Variants in RAPGEF3 observed in about 807,000 individuals in gnomAD.
RAPGEF3 encodes 9330170P05Rik.
A neutral mutation model predicts 129.8 loss-of-function variants in RAPGEF3; 103 were observed. The ratio of observed to expected loss-of-function variants is 0.79; its 90% CI spans 0.68 to 0.93. The LOEUF (loss-of-function observed/expected upper bound fraction) is 0.93. Ranked by LOEUF, RAPGEF3 falls within the 40% of genes least tolerant of loss-of-function variation. The pLI, the probability that RAPGEF3 is intolerant of heterozygous loss-of-function variation, is 0.00. For missense variants in RAPGEF3, 1,117 were observed against 1,207.4 expected, an observed-to-expected ratio of 0.93 and a Z score of 1.11; for synonymous variants, 436 against 482.6, an observed-to-expected ratio of 0.90 and a Z score of 1.26.
At chr12:47,756,985 GAAAAGAAAA>G (rs1225817515) in intron 2 of RAPGEF3, among the ~76,000 whole-genome samples, 1 of 151,376 alleles carries the variant, frequency 6.6e-6, no homozygotes, top group African/African-American at 2.4e-5. Context: ...AAAAAAGAAA[GAAAAGAAAA>G]AAGAAATGAA....
At position 47,751,193 on chromosome 12, in the gene RAPGEF3, C is replaced by T. The variant is rs1444628483; in HGVS notation, c.526G>A (p.Asp176Asn). The change falls in exon 6 of 28, where the codon GAC (aspartate) becomes AAC (asparagine). Residue 176 changes from aspartate (D) to asparagine (N), a missense_variant. Around this residue, in one of 3 missense-constraint regions of RAPGEF3, gnomAD observed 367 missense variants for 373.4 expected, o/e 0.98. Transcript: ENST00000449771. Reference protein sequence around the residue: ...CHVKHDWAFQDRDAQFYRFPG... With the variant: ...CHVKHDWAFQNRDAQFYRFPG... ...AACCGGTAGAATTGGGCATCTCGGT[C>T]CTGGAAGGCCCAGTCGTGTTTCACT... The T allele has an allele frequency of 1.3e-6, 2 of 1,552,348 alleles. No individual in the cohort carries two copies. The highest frequency in any genetic ancestry group is 1.2e-5 in the South Asian group (1 of 84,218).
At chr12:47,758,352 C>T (rs1942228510) in intron 1 of RAPGEF3, 199 bp downstream of exon 1, 1 of 1,458,304 alleles carries the variant, frequency 6.9e-7, no homozygotes, top group East Asian at 2.5e-5. Flanking sequence ...TGCCCATGCC[C>T]CTGCAGGGAT....
rs1447822335 is a variant in RAPGEF3 at position 47,746,885 on chromosome 12, C to T, written c.1571G>A (p.Cys524Tyr). Residue 524 changes from cysteine (C) to tyrosine (Y), a missense_variant, in exon 16 of 28, where the codon TGT becomes TAT. Coordinates refer to ENST00000449771, the MANE Select transcript of RAPGEF3 (RefSeq NM_001098531.4). ...CTTCATCTGAGGAGATGCATTCCCA[C>T]AGCCATTCTCCAACCTGCAGACAAG... The part of the protein sequence containing the change: ...RRRCHRLENG[C>Y]GNASPQMKAR... 1.2e-6 allele frequency: 2 copies of T among 1,601,548 alleles called. No homozygotes were observed. Among genetic ancestry groups the T allele is most frequent in the Admixed American group, 3.6e-5 (2 of 55,946 alleles).
chr12:47,743,392 C>T, intron 18 of RAPGEF3, 138 bp downstream of exon 18: 2 of 1,181,796 alleles, frequency 1.7e-6, no homozygotes, highest in Non-Finnish European at 2.4e-6. Flanking sequence ...CGCACTCCAC[C>T]TCCCATTAAT....
rs536973198 is a variant in RAPGEF3 at position 47,750,198 on chromosome 12, C to T, written c.756+143G>A. On this transcript the variant is annotated intron_variant, in intron 7 of 27. Coordinates refer to ENST00000449771, the MANE Select transcript of RAPGEF3 (RefSeq NM_001098531.4). ...GAAGGATTTTCAGACAGGGCAGCGC[C>T]GGGGGCAAGAAATCAGACTGAAAAT... 1.3e-4 allele frequency: 140 copies of T among 1,087,092 alleles called. 1 individual carries two copies. The South Asian group carries it at 1.7e-3, about 13-fold the overall frequency. 67.3% of individuals were successfully genotyped at this position (1,087,092 alleles called of 1,614,324 possible).
In RAPGEF3 at chr12:47,743,602, C is replaced by T. The variant is rs1458468289; in HGVS notation, c.1753G>A (p.Val585Met). ...QLPVTASVRE[V>M]MAALAQEDGW... ...TCCTCCTGGGCCAACGCTGCCATCA[C>T]CTCTCTCACGGAGGCTGTCACAGGC... is the stretch of plus-strand genomic sequence containing the variant. Residue 585 changes from valine to methionine, a missense_variant, in exon 18 of 28, where the codon GTG (valine) becomes ATG (methionine). Val to Met is a conservative substitution (Grantham distance 21, BLOSUM62 1). Around this residue, in one of 3 missense-constraint regions of RAPGEF3, gnomAD observed 643 missense variants for 673.4 expected, o/e 0.95. Coordinates refer to ENST00000449771, the MANE Select transcript of RAPGEF3 (RefSeq NM_001098531.4). The T allele has an allele frequency of 1.9e-6, 3 of 1,614,080 alleles. No homozygotes were observed. Among genetic ancestry groups the T allele is most frequent in the Non-Finnish European group, 2.5e-6 (3 of 1,180,010 alleles).
chr12:47,756,197 G>A (rs974211577), intron 2 of RAPGEF3: 2 of 152,246 alleles, frequency 1.3e-5, no homozygotes, highest in Admixed American at 1.3e-4. Context: ...TGGAGAGTCA[G>A]GAGACAGCTT....
intron 2 of RAPGEF3, among the ~76,000 whole-genome samples, chr12:47,754,907 G>A (rs977601520): frequency 6.6e-6 from 1 of 152,202 alleles, no homozygotes; most frequent in East Asian, 1.9e-4. Flanking sequence ...CACCAGCACT[G>A]TGGCCTGCCC....
At chr12:47,751,336 C>A (rs569193349) in intron 5 of RAPGEF3, 63 bp downstream of exon 5, 2 of 1,605,662 alleles carry the variant, frequency 1.2e-6, no homozygotes, top group African/African-American at 1.3e-5. Flanking sequence ...CCAGGACTGC[C>A]CTGTCCTGTC....
Position 47,758,572 on chromosome 12 carries a change from C to T in RAPGEF3, c.-16G>A. ...CCACCTTCATGTTTCTTTTCAAGCT[C>T]GCACAGCCGTGCAGGCTCTAGCAAA... On this transcript the variant is annotated 5_prime_UTR_variant, in exon 1 of 28. Transcript: ENST00000449771. 1 of 1,613,958 alleles carries T rather than the reference C, an allele frequency of 6.2e-7. No homozygotes were observed. The highest frequency in any genetic ancestry group is 8.5e-7 in the Non-Finnish European group (1 of 1,179,920).
At position 47,748,094 on chromosome 12, in the gene RAPGEF3, G is replaced by C; in HGVS notation, c.1302C>G (p.Leu434=). 1.9e-6 allele frequency: 3 copies of C among 1,587,920 alleles called. No homozygotes were observed. Among genetic ancestry groups the C allele is most frequent in the Non-Finnish European group, 2.6e-6 (3 of 1,166,604 alleles). Residue 434 remains leucine (L), a synonymous_variant, in exon 13 of 28, where the codon CTC becomes CTG. Coordinates refer to ENST00000449771, the MANE Select transcript of RAPGEF3 (RefSeq NM_001098531.4). ...GATATTGGTGCAGAAGGGCAGCGCA[G>C]AGTTGGGCGCTGGGCATGAAGACCC... ...THRVFMPSAQ[L]CAALLHHFHV...
At chr12:47,741,474 C>T (rs751321762) in intron 19 of RAPGEF3, 31 bp downstream of exon 19, 21 of 1,585,532 alleles carry the variant, frequency 1.3e-5, no homozygotes, top group South Asian at 2.2e-5. Flanking sequence ...AGATCTCCTC[C>T]CTGGGCCCTG....
intron 15 of RAPGEF3, among the ~76,000 whole-genome samples, chr12:47,747,270 G>T (rs918066643): frequency 6.6e-6 from 1 of 152,198 alleles, no homozygotes; most frequent in African/African-American, 2.4e-5. Context: ...GGCACTGAGG[G>T]TATTTGGTAA....
intron 19 of RAPGEF3, 84 bp downstream of exon 19, chr12:47,741,421 C>G: frequency 3.0e-6 from 4 of 1,351,124 alleles, no homozygotes; most frequent in Non-Finnish European, 4.2e-6. Flanking sequence ...TCCCTCTTCT[C>G]CCTGGGACCC....
chr12:47,751,058 G>A lies in RAPGEF3; in HGVS notation c.661C>T (p.Leu221Phe). ...RGPDALLTVA[L>F]RKPPGQRTDE... ...GGGATTCTGACTCACGGCTTTCGAA[G>A]TGCCACAGTGAGCAGGGCGTCAGGC... The change falls in exon 6 of 28, where the codon CTT becomes TTT. Residue 221 changes from leucine to phenylalanine, a missense_variant. This residue lies in a region of RAPGEF3 where 367 missense variants were observed against 373.4 expected (regional missense o/e 0.98). Coordinates refer to ENST00000449771, the MANE Select transcript of RAPGEF3 (RefSeq NM_001098531.4). The A allele has an allele frequency of 6.3e-7, 1 of 1,597,622 alleles. No homozygotes were observed. The highest frequency in any genetic ancestry group is 8.5e-7 in the Non-Finnish European group (1 of 1,173,158).
intron 20 of RAPGEF3, 23 bp from the exon 21 acceptor site, chr12:47,740,846 G>T: frequency 1.2e-6 from 2 of 1,613,600 alleles, no homozygotes; most frequent in Non-Finnish European, 1.7e-6. Flanking sequence ...AGCAGGAGAG[G>T]TCAGCGAGTG....
chr12:47,737,628 T>C lies in RAPGEF3; in HGVS notation c.2711A>G (p.Gln904Arg), dbSNP rs1001721665. Residue 904 changes from glutamine to arginine, a missense_variant, in exon 28 of 28, where the codon CAG becomes CGG. Transcript: ENST00000449771. ...CCGCTGGTTGTCAATGACCTTCAGC[T>C]GCTGGACATAAGCCCAGGTGCTGGC... ...SPASTWAYVQQLKVIDNQREL... is the reference protein window; with the variant it reads ...SPASTWAYVQRLKVIDNQREL... 3 of 1,611,814 alleles carry C rather than the reference T, an allele frequency of 1.9e-6. No individual in the cohort carries two copies. The highest frequency in any genetic ancestry group is 1.3e-5 in the African/African-American group (1 of 75,030).
rs759627805 is a variant in RAPGEF3, at chr12:47,748,770, G to A, written c.1154+49C>T. Reference sequence around the variant, plus strand: ...CACAGGGGAAGGGAGCAAAGATTGGGAAATGAAAGGAGGGACAGTGTGGAG... The same window carrying A: ...CACAGGGGAAGGGAGCAAAGATTGGAAAATGAAAGGAGGGACAGTGTGGAG... On this transcript the variant is annotated intron_variant, in intron 11 of 27. Coordinates refer to ENST00000449771, the MANE Select transcript of RAPGEF3 (RefSeq NM_001098531.4). The A allele has an allele frequency of 4.6e-5, 64 of 1,378,318 alleles. No homozygotes were observed. The South Asian group carries it at 6.7e-4, about 14-fold the overall frequency. 85.4% of individuals were successfully genotyped at this position (1,378,318 alleles called of 1,614,324 possible).
At position 47,734,626 on chromosome 12, in the gene RAPGEF3, C is replaced by T. The variant is rs1399072290; in HGVS notation, c.*2941G>A. ...TATTCTGTCATCAGGATAAAAATAA[C>T]GTAACGTGAGACAGGGTGAAGATGA... On this transcript the variant is annotated 3_prime_UTR_variant, in exon 28 of 28. Transcript: ENST00000449771. 2 of 152,218 alleles carry T rather than the reference C, an allele frequency of 1.3e-5. No homozygotes were observed. The highest frequency in any genetic ancestry group is 2.9e-5 in the Non-Finnish European group (2 of 68,024). The allele number at this position is 152,218 out of a possible 1,614,324, so 9.4% of individuals were successfully genotyped here. A position where few individuals can be genotyped will look rare whatever the true frequency, so the allele number is the denominator to read the frequency against.
Sources: gnomAD v4.1 joint callset for allele counts (sites outside exome capture counted in the v4.1 genomes callset) on GRCh38, gnomAD v4.1.1 for gene constraint, gnomAD v4.1.1 regional missense constraint, MANE v1.5 for transcripts, NCBI Gene and HGNC (gene_info 2026-07-23, HGNC 2026-07-21) for gene names.